AFF3: variants seen among roughly 807,000 people sequenced by gnomAD.
The protein encoded by AFF3 is ALF transcription elongation factor 3, also known as AF4/FMR2 family member 3.
AFF3 carries 32 observed loss-of-function variants against 129.7 expected under a neutral mutation model. The observed-to-expected ratio is 0.25, with a 90% CI of 0.19 to 0.33. The LOEUF is 0.33. AFF3 is among the 10% of genes least tolerant of loss of function. AFF3 has a pLI of 1.00. For synonymous variants in AFF3, 644 were observed against 635.4 expected, an observed-to-expected ratio of 1.01 and a Z score of -0.20; for missense variants, 1,373 against 1,592.0, an observed-to-expected ratio of 0.86 and a Z score of 2.34.
chr2:99,919,827 G>A (rs1695733070), intron 7 of AFF3, among the ~76,000 whole-genome samples: 1 of 151,950 alleles, frequency 6.6e-6, no homozygotes, highest in Admixed American at 6.6e-5. Flanking sequence ...TGGCAACACT[G>A]ATGAAGATTT....
intron 7 of AFF3, among the ~76,000 whole-genome samples, chr2:99,920,932 C>CA (rs1437698063): frequency 6.6e-6 from 1 of 151,872 alleles, no homozygotes; most frequent in African/African-American, 2.4e-5. Context: ...ATAAATTTAA[C>CA]AAAAAACAAG....
chr2:99,558,930 C>A lies in AFF3; in HGVS notation c.3230G>T (p.Arg1077Leu), dbSNP rs1675209091. 4.3e-6 allele frequency: 7 copies of A among 1,613,984 alleles called. No individual in the cohort carries two copies. Among genetic ancestry groups the A allele is most frequent in the Non-Finnish European group, 5.9e-6 (7 of 1,180,032 alleles). ...CLALLYWRMFRLKRDHAVKYS... is the reference protein window; with the variant it reads ...CLALLYWRMFLLKRDHAVKYS... ...CTTTACAGCGTGGTCCCTTTTGAGT[C>A]GAAACATCCGCCAGTACAGGAGGGC... Residue 1077 changes from arginine (R) to leucine (L), a missense_variant, in exon 22 of 25, where the codon CGA (arginine) becomes CTA (leucine). By Grantham distance (102) the Arg-to-Leu change is moderately radical. This residue lies in a region of AFF3 where 165 missense variants were observed against 234.0 expected (regional missense o/e 0.71). Transcript: ENST00000672756.
chr2:99,785,631 C>T (rs1047652525), intron 8 of AFF3, among the ~76,000 whole-genome samples: 1 of 152,232 alleles, frequency 6.6e-6, no homozygotes, highest in African/African-American at 2.4e-5. Flanking sequence ...ACAGGCTTTT[C>T]TGCTGTCTCC....
chr2:100,079,137 G>A (rs960604482), intron 4 of AFF3, among the ~76,000 whole-genome samples: 11 of 151,960 alleles, frequency 7.2e-5, no homozygotes, highest in African/African-American at 2.2e-4. Flanking sequence ...TAGTAGAGAC[G>A]GAGTTTCACC....
At chr2:99,630,890 T>C (rs1683060995) in intron 13 of AFF3, 1 of 309,976 alleles carries the variant, frequency 3.2e-6, no homozygotes, top group Non-Finnish European at 6.9e-6. Context: ...AGCCAAACCA[T>C]ATCACCAGGC....
At chr2:99,597,445 C>A (rs1398208492) in intron 14 of AFF3, among the ~76,000 whole-genome samples, 1 of 152,206 alleles carries the variant, frequency 6.6e-6, no homozygotes, top group African/African-American at 2.4e-5. Context: ...TTCTTTCAGG[C>A]AAGGGCCAGG....
At chr2:99,959,084 G>A (rs986332355) in intron 7 of AFF3, among the ~76,000 whole-genome samples, 6 of 151,968 alleles carry the variant, frequency 3.9e-5, no homozygotes, top group Admixed American at 2.0e-4. Context: ...GCGACAGAGC[G>A]AGACCCTGCC....
intron 4 of AFF3, among the ~76,000 whole-genome samples, chr2:100,071,319 T>A (rs1168903306): frequency 6.6e-6 from 1 of 152,206 alleles, no homozygotes; most frequent in Non-Finnish European, 1.5e-5. Context: ...ATCTGAGATA[T>A]CTTTTACACG....
chr2:100,134,198 G>A (rs1692542134), intron 1 of AFF3, among the ~76,000 whole-genome samples: 2 of 152,018 alleles, frequency 1.3e-5, no homozygotes, highest in African/African-American at 4.8e-5. Flanking sequence ...GCTACTACAG[G>A]GGATTACCCA....
At chr2:99,895,386 A>T (rs1482750892) in intron 7 of AFF3, among the ~76,000 whole-genome samples, 1 of 152,238 alleles carries the variant, frequency 6.6e-6, no homozygotes, top group East Asian at 1.9e-4. Context: ...AACATTGAGT[A>T]GAAGTGTGTC....
chr2:99,970,327 TCAAA>T (rs1287660485), intron 7 of AFF3, among the ~76,000 whole-genome samples: 3 of 152,136 alleles, frequency 2.0e-5, no homozygotes, highest in Admixed American at 6.5e-5. Flanking sequence ...CCTTCTGCTT[TCAAA>T]CAATCACAGA....
At chr2:99,928,223 T>C (rs957243341) in intron 7 of AFF3, among the ~76,000 whole-genome samples, 3 of 152,194 alleles carry the variant, frequency 2.0e-5, no homozygotes, top group African/African-American at 7.2e-5. Context: ...AGAGTCTACA[T>C]AGCTATTGTG....
At chr2:100,099,806 AAGAG>A (rs1467548794) in intron 4 of AFF3, among the ~76,000 whole-genome samples, 1 of 152,258 alleles carries the variant, frequency 6.6e-6, no homozygotes, top group Non-Finnish European at 1.5e-5. Context: ...AAAAAGAAAA[AAGAG>A]AAAGAAAGAG....
intron 7 of AFF3, among the ~76,000 whole-genome samples, chr2:99,959,096 C>T (rs573656042): frequency 8.2e-4 from 124 of 152,028 alleles, no homozygotes; most frequent in African/African-American, 2.9e-3. Flanking sequence ...GACCCTGCCT[C>T]TGATAAATAA....
intron 4 of AFF3, among the ~76,000 whole-genome samples, chr2:100,053,156 T>C (rs761645424): frequency 1.1e-4 from 17 of 152,364 alleles, no homozygotes; most frequent in Non-Finnish European, 2.1e-4. Flanking sequence ...ATTATCTTCC[T>C]CTTGGCAGCA....
At chr2:99,947,966 G>A (rs1463416146) in intron 7 of AFF3, among the ~76,000 whole-genome samples, 6 of 152,256 alleles carry the variant, frequency 3.9e-5, no homozygotes, top group Non-Finnish European at 7.4e-5. Flanking sequence ...TCCTGCAGCC[G>A]AGATCAGGCA....
intron 7 of AFF3, among the ~76,000 whole-genome samples, chr2:99,977,900 G>C (rs569540216): frequency 6.6e-6 from 1 of 152,330 alleles, no homozygotes; most frequent in South Asian, 2.1e-4. Context: ...CCCAGCTCCT[G>C]CTGGAGCTCC....
rs573650378 is a variant in AFF3 at position 100,106,028 on chromosome 2, C to T, written c.-144-445G>A. The T allele has an allele frequency of 6.6e-5, 87 of 1,319,556 alleles. No individual in the cohort carries two copies. In the African/African-American group the frequency reaches 1.3e-3, roughly 19 times the overall value. The allele number at this position is 1,319,556 out of a possible 1,614,324, so 81.7% of individuals were successfully genotyped here. A position where few individuals can be genotyped will look rare whatever the true frequency, so the allele number is the denominator to read the frequency against. ...GCGTCAAGCCGAAGAGTCATCCTCT[C>T]ACCTCACCCACCTCCGAATGAGGAT... On this transcript the variant is annotated intron_variant, in intron 2 of 24. Coordinates refer to ENST00000672756, the MANE Select transcript of AFF3 (RefSeq NM_001386135.1).
At chr2:100,127,006 G>T (rs967088917) in intron 2 of AFF3, among the ~76,000 whole-genome samples, 1 of 152,254 alleles carries the variant, frequency 6.6e-6, no homozygotes, top group Middle Eastern at 3.4e-3. Flanking sequence ...GCTCTGTGAG[G>T]TTACAGAAAT....
Sources: gnomAD v4.1 joint callset for allele counts (sites outside exome capture counted in the v4.1 genomes callset) on GRCh38, gnomAD v4.1.1 for gene constraint, gnomAD v4.1.1 regional missense constraint, MANE v1.5 for transcripts, NCBI Gene and HGNC (gene_info 2026-07-23, HGNC 2026-07-21) for gene names.